Variants in USH2A observed in about 807,000 individuals in gnomAD.
The protein encoded by USH2A is usherin, also known as Usher syndrome 2A (autosomal recessive, mild).
In USH2A, 443 loss-of-function variants were observed where a neutral mutation model predicts 538.9. The ratio of observed to expected loss-of-function variants is 0.82; its 90% CI spans 0.76 to 0.89. The LOEUF is 0.89. Among genes scored for constraint, USH2A ranks in the 40% least tolerant of loss-of-function variants. The pLI, the probability that USH2A is intolerant of heterozygous loss-of-function variation, is 0.00. For missense variants in USH2A, 6,633 were observed against 6,324.8 expected (o/e 1.05, Z -1.65); for synonymous variants, 2,413 against 2,273.5 (o/e 1.06, Z -1.75).
chr1:216,322,109 T>C, intron 8 of USH2A, 133 bp from the exon 9 acceptor site: 1 of 873,608 alleles, frequency 1.1e-6, no homozygotes. Context: ...ACAAAATCAG[T>C]TTCTCCTTAA....
chr1:216,320,832 T>C (rs1403116548), intron 9 of USH2A, among the ~76,000 whole-genome samples: 3 of 152,162 alleles, frequency 2.0e-5, no homozygotes, highest in Non-Finnish European at 4.4e-5. Flanking sequence ...TCTTTACCTG[T>C]TAACATGATG....
At chr1:215,901,159 T>A in intron 38 of USH2A, 2 of 505,836 alleles carry the variant, frequency 4.0e-6, no homozygotes, top group Admixed American at 3.2e-5. Flanking sequence ...TGCAGCACAT[T>A]CCCACCTGTA....
At chr1:216,355,550 C>G (rs2038378425) in intron 4 of USH2A, among the ~76,000 whole-genome samples, 1 of 152,052 alleles carries the variant, frequency 6.6e-6, no homozygotes, top group Non-Finnish European at 1.5e-5. Context: ...AAAGTAAAGA[C>G]ATTTTTACAC....
chr1:215,714,209 T>C (rs1369593199), intron 61 of USH2A, among the ~76,000 whole-genome samples: 1 of 152,180 alleles, frequency 6.6e-6, no homozygotes, highest in African/African-American at 2.4e-5. Context: ...TTCTGAAATA[T>C]GATTACAGGT....
rs369447952 is a variant in USH2A, at chr1:216,066,314, C to CA, written c.6049+3786dup. ...TGAAACCCTGTCTCCACTAAAAATA[C>CA]AAAAAAAATTACCCGGGCGTGGAGG... On this transcript the variant is annotated intron_variant, in intron 30 of 71. Coordinates refer to ENST00000307340, the MANE Select transcript of USH2A (RefSeq NM_206933.4). Among the ~76,000 whole-genome samples, 367 of 151,712 alleles carry CA rather than the reference C, an allele frequency of 2.4e-3. 2 individuals are homozygous for CA. Among genetic ancestry groups the CA allele is most frequent in the African/African-American group, 7.3e-3 (302 of 41,388 alleles).
chr1:216,287,347 G>T (rs1227727835), intron 11 of USH2A, among the ~76,000 whole-genome samples: 1 of 152,068 alleles, frequency 6.6e-6, no homozygotes, highest in African/African-American at 2.4e-5. Flanking sequence ...GCTTATAAAT[G>T]GTACAGTCTT....
At chr1:215,676,681 T>G (rs372592261) in intron 62 of USH2A, among the ~76,000 whole-genome samples, 2 of 152,194 alleles carry the variant, frequency 1.3e-5, no homozygotes, top group African/African-American at 4.8e-5. Context: ...GTGATTTTCT[T>G]GTTGAGGACC....
intron 12 of USH2A, 109 bp downstream of exon 12, chr1:216,250,794 C>T (rs2036142977): frequency 8.4e-7 from 1 of 1,189,632 alleles, no homozygotes; most frequent in Non-Finnish European, 1.2e-6. Context: ...TTTTTCCAGC[C>T]TGTCTTGAGC....
At chr1:216,018,515 C>T (rs1168655094) in intron 32 of USH2A, among the ~76,000 whole-genome samples, 1 of 152,184 alleles carries the variant, frequency 6.6e-6, no homozygotes, top group Non-Finnish European at 1.5e-5. Context: ...CGGCCTCATT[C>T]CCTCCTGTCT....
Position 215,954,185 on chromosome 1 carries a change from A to C in USH2A, c.7120+11132T>G, listed in dbSNP as rs1360698888. 5.3e-5 allele frequency among the ~76,000 whole-genome samples: 8 copies of C among 152,072 alleles called. No individual in the cohort carries two copies. In the East Asian group the frequency reaches 1.5e-3, roughly 29 times the overall value. ...TCCTCAGGGATCTAGAACTAGAAATACCATTTGACCCAGCCATCCCATTAC... is the reference window on the plus strand; with the variant it reads ...TCCTCAGGGATCTAGAACTAGAAATCCCATTTGACCCAGCCATCCCATTAC... On this transcript the variant is annotated intron_variant, in intron 37 of 71. Coordinates refer to ENST00000307340, the MANE Select transcript of USH2A (RefSeq NM_206933.4).
chr1:216,296,835 C>T (rs2102616962), intron 9 of USH2A, among the ~76,000 whole-genome samples: 1 of 152,076 alleles, frequency 6.6e-6, no homozygotes, highest in South Asian at 2.1e-4. Flanking sequence ...CAGCAATGCC[C>T]ATCTGCAAAT....
intron 38 of USH2A, among the ~76,000 whole-genome samples, chr1:215,911,748 T>C (rs191605740): frequency 7.6e-4 from 115 of 152,242 alleles, no homozygotes; most frequent in African/African-American, 2.6e-3. Flanking sequence ...CTGAGTCATA[T>C]GGTAGCTCAA....
At chr1:215,706,047 T>C (rs1016586565) in intron 61 of USH2A, among the ~76,000 whole-genome samples, 1 of 152,228 alleles carries the variant, frequency 6.6e-6, no homozygotes, top group African/African-American at 2.4e-5. Flanking sequence ...GACACTATTA[T>C]GACCCTCATT....
In USH2A at chr1:216,365,006, C is replaced by T. The variant is rs2102708519; in HGVS notation, c.731G>A (p.Gly244Asp). The T allele has an allele frequency of 1.2e-6, 2 of 1,613,700 alleles. No individual in the cohort carries two copies. The highest frequency in any genetic ancestry group is 1.7e-6 in the Non-Finnish European group (2 of 1,179,772). Reference sequence around the variant, plus strand: ...ACCAGATGCAAAATCTGTAATTGAACCACTTAGAGTTCTTGCATTGAAAGG... The same window carrying T: ...ACCAGATGCAAAATCTGTAATTGAATCACTTAGAGTTCTTGCATTGAAAGG... ...HTPFNARTLS[G>D]SITDFASGTV... Residue 244 changes from glycine to aspartate, a missense_variant, in exon 4 of 72, where the codon GGT (glycine) becomes GAT (aspartate). Transcript: ENST00000307340.
chr1:215,698,325 T>C (rs1658885160), intron 61 of USH2A, among the ~76,000 whole-genome samples: 1 of 152,222 alleles, frequency 6.6e-6, no homozygotes, highest in Non-Finnish European at 1.5e-5. Flanking sequence ...TTATAATGCC[T>C]TGGGTATATA....
chr1:215,938,591 G>A (rs1393976898), intron 37 of USH2A, among the ~76,000 whole-genome samples: 1 of 152,100 alleles, frequency 6.6e-6, no homozygotes, highest in Non-Finnish European at 1.5e-5. Flanking sequence ...CCTATCGCAG[G>A]CGACCATTCC....
chr1:215,925,108 A>G (rs1014966419), intron 38 of USH2A, among the ~76,000 whole-genome samples: 2 of 152,148 alleles, frequency 1.3e-5, no homozygotes, highest in Non-Finnish European at 2.9e-5. Context: ...ATGATATGTA[A>G]TATTACAAAC....
rs774672886 is a variant in USH2A, at chr1:215,888,583, G to A, written c.8066C>T (p.Ala2689Val). ...HSMRFIDKTS[A>V]LSPWTKYEYR... ...TTCATATTTTGTCCATGGGCTAAGA[G>A]CAGAAGTCTTGTCAATAAACCTCAT... Residue 2689 changes from alanine to valine, a missense_variant, in exon 41 of 72, where the codon GCT becomes GTT. By Grantham distance (64) the Ala-to-Val change is moderately conservative. Transcript: ENST00000307340. The A allele has an allele frequency of 1.2e-6, 2 of 1,614,186 alleles. No homozygotes were observed. The highest frequency in any genetic ancestry group is 1.7e-6 in the Non-Finnish European group (2 of 1,180,030).
intron 65 of USH2A, among the ~76,000 whole-genome samples, chr1:215,650,390 G>C (rs1211291880): frequency 6.6e-6 from 1 of 152,020 alleles, no homozygotes; most frequent in African/African-American, 2.4e-5. Context: ...CTCTCCCTAA[G>C]AGTTTACATA....
Sources: allele counts gnomAD v4.1 joint callset (sites outside exome capture counted in the v4.1 genomes callset), GRCh38; gene constraint gnomAD v4.1.1; transcripts MANE v1.5; gene names NCBI Gene and HGNC (gene_info 2026-07-23, HGNC 2026-07-21).